Variants in CNTN4 observed in about 807,000 individuals in gnomAD.
CNTN4 encodes contactin-4.
In CNTN4, 77 loss-of-function variants were observed where a neutral mutation model predicts 122.5. The ratio of observed to expected loss-of-function variants is 0.63; its 90% confidence interval spans 0.52 to 0.76. The LOEUF (loss-of-function observed/expected upper bound fraction) is 0.76. Among genes scored for constraint, CNTN4 ranks in the 30% least tolerant of loss-of-function variants. The pLI, the probability that CNTN4 is intolerant of heterozygous loss-of-function variation, is 0.00. For missense variants in CNTN4, 1,256 were observed against 1,259.1 expected, an observed-to-expected ratio of 1.00 and a Z score of 0.04; for synonymous variants, 512 against 447.0, an observed-to-expected ratio of 1.15 and a Z score of -1.83.
intron 4 of CNTN4, among the ~76,000 whole-genome samples, chr3:2,718,254 T>C (rs2087623747): frequency 6.6e-6 from 1 of 152,172 alleles, no homozygotes; most frequent in Non-Finnish European, 1.5e-5. Flanking sequence ...TTTTAACCCT[T>C]TAACGTTTGC....
At chr3:2,307,240 C>T (rs528636552) in intron 2 of CNTN4, among the ~76,000 whole-genome samples, 5 of 152,236 alleles carry the variant, frequency 3.3e-5, no homozygotes, top group African/African-American at 4.8e-5. Context: ...TGAAGACCAT[C>T]CTGGCTAACA....
rs148581955 is a variant in CNTN4, at chr3:2,352,331, G to A, written c.-89+13098G>A. 2.0e-3 allele frequency among the ~76,000 whole-genome samples: 300 copies of A among 152,318 alleles called. 3 individuals carry two copies. The highest frequency in any genetic ancestry group is 2.0e-3 in the Non-Finnish European group (139 of 68,028). ...ACTTCAGCCTGCCGCTGCACTGTGG[G>A]AGCCCCTCTCTGGGCTGGCCGAGGC... On this transcript the variant is annotated intron_variant, in intron 3 of 24. Transcript: ENST00000418658.
chr3:2,941,167 T>C (rs532519478), intron 13 of CNTN4, among the ~76,000 whole-genome samples: 1 of 152,294 alleles, frequency 6.6e-6, no homozygotes, highest in Non-Finnish European at 1.5e-5. Flanking sequence ...CCTCCTTCAA[T>C]CATTCCTGCT....
chr3:2,242,195 C>G (rs1288816314), intron 2 of CNTN4, among the ~76,000 whole-genome samples: 1 of 151,970 alleles, frequency 6.6e-6, no homozygotes, highest in Non-Finnish European at 1.5e-5. Context: ...TTTCTTTGAC[C>G]ATTCTTGCTT....
rs530698097 is a variant in CNTN4 at position 2,385,274 on chromosome 3, A to G, written c.-89+46041A>G. Among the ~76,000 whole-genome samples the G allele has an allele frequency of 3.4e-4, 51 of 152,152 alleles. No homozygotes were observed. Among genetic ancestry groups the G allele is most frequent in the Middle Eastern group, 3.4e-3 (1 of 294 alleles). On this transcript the variant is annotated intron_variant, in intron 3 of 24. Coordinates refer to ENST00000418658, the MANE Select transcript of CNTN4 (RefSeq NM_175607.3). The surrounding 1 kb of genome is among the most constrained non-coding windows in gnomAD (Gnocchi z 4.0). Reference sequence around the variant, plus strand: ...TTTTATTTCTACACTTTTTATTTCTACAGTAATATCAAATCACTTAAAACT... The same window carrying G: ...TTTTATTTCTACACTTTTTATTTCTGCAGTAATATCAAATCACTTAAAACT...
chr3:2,961,228 T>C (rs2125000669), intron 13 of CNTN4, among the ~76,000 whole-genome samples: 1 of 34,696 alleles, frequency 2.9e-5, no homozygotes, highest in Non-Finnish European at 5.5e-5. Context: ...AGACTCCATC[T>C]CACAAAAAAA....
intron 4 of CNTN4, among the ~76,000 whole-genome samples, chr3:2,657,932 TCTGACAC>T (rs2083671931): frequency 6.6e-6 from 1 of 151,028 alleles, no homozygotes; most frequent in East Asian, 1.9e-4. Flanking sequence ...TCCGGCTTGT[TCTGACAC>T]CTGAATAGAA....
At chr3:2,340,705 A>AGAGAGAGAGAGAGAGAGAGAGAGAGGGG (rs1210986669) in intron 3 of CNTN4, among the ~76,000 whole-genome samples, 8 of 63,746 alleles carry the variant, frequency 1.3e-4, no homozygotes, top group South Asian at 1.5e-3. Flanking sequence ...ATATATATAT[A>AGAGAGAGAGAGAGAGAGAGAGAGAGGGG]TATATAGAGA....
intron 3 of CNTN4, among the ~76,000 whole-genome samples, chr3:2,532,442 G>C (rs1170944911): frequency 6.6e-6 from 1 of 152,004 alleles, no homozygotes; most frequent in Non-Finnish European, 1.5e-5. Context: ...GTTAAAGGGA[G>C]AATTCTTTCT....
At chr3:2,769,092 G>C (rs2090978110) in intron 6 of CNTN4, among the ~76,000 whole-genome samples, 1 of 152,148 alleles carries the variant, frequency 6.6e-6, no homozygotes, top group Admixed American at 6.5e-5. Flanking sequence ...TATTTTGGGA[G>C]CACACCTTCA....
At chr3:2,303,007 G>T (rs1259621376) in intron 2 of CNTN4, among the ~76,000 whole-genome samples, 2 of 152,132 alleles carry the variant, frequency 1.3e-5, no homozygotes, top group Non-Finnish European at 2.9e-5. Context: ...TATATTTATT[G>T]TGTGAGACAT....
At chr3:2,651,420 T>A (rs2083353030) in intron 4 of CNTN4, among the ~76,000 whole-genome samples, 1 of 152,212 alleles carries the variant, frequency 6.6e-6, no homozygotes, top group Non-Finnish European at 1.5e-5. Context: ...AGTCAGTCAT[T>A]TGGTTCGATC....
chr3:2,745,830 C>A, intron 6 of CNTN4, 133 bp downstream of exon 6: 1 of 794,678 alleles, frequency 1.3e-6, no homozygotes, highest in Non-Finnish European at 2.1e-6. Context: ...CTCTTTTTCA[C>A]ATTTTGGAAA....
intron 12 of CNTN4, among the ~76,000 whole-genome samples, chr3:2,912,909 T>C (rs967427973): frequency 1.3e-5 from 2 of 152,196 alleles, no homozygotes; most frequent in African/African-American, 4.8e-5. Context: ...CCCAGCACTT[T>C]GGGAGGCTGA....
chr3:2,658,165 G>A (rs966791118), intron 4 of CNTN4, among the ~76,000 whole-genome samples: 5 of 151,590 alleles, frequency 3.3e-5, no homozygotes, highest in Non-Finnish European at 7.4e-5. Context: ...TGGACCCACA[G>A]GAAGTTCGCA....
chr3:2,937,458 A>G (rs2094577000), intron 13 of CNTN4, among the ~76,000 whole-genome samples: 1 of 152,194 alleles, frequency 6.6e-6, no homozygotes, highest in South Asian at 2.1e-4. Context: ...AACCAGTAAA[A>G]AAATGAAGTA....
rs55995215 is a variant in CNTN4 at position 2,447,499 on chromosome 3, T to C, written c.-89+108266T>C. The stretch of plus-strand genomic sequence containing the variant: ...CTATGTCTATATTTATAATATATTT[T>C]ATGTGCTTGTTTATTCTCTGTATCC... On this transcript the variant is annotated intron_variant, in intron 3 of 24. Coordinates refer to ENST00000418658, the MANE Select transcript of CNTN4 (RefSeq NM_175607.3). 7.0e-3 allele frequency among the ~76,000 whole-genome samples: 1,072 copies of C among 152,274 alleles called. 10 individuals carry two copies. Among genetic ancestry groups the C allele is most frequent in the African/African-American group, 0.024 (1,005 of 41,562 alleles).
chr3:2,989,119 G>A (rs1325608940), intron 14 of CNTN4: 2 of 152,458 alleles, frequency 1.3e-5, no homozygotes, highest in African/African-American at 4.8e-5. Context: ...CATGGCATGG[G>A]CTGGAAGTGC....
At chr3:2,923,062 GC>G (rs1334075713) in intron 12 of CNTN4, among the ~76,000 whole-genome samples, 1 of 152,166 alleles carries the variant, frequency 6.6e-6, no homozygotes, top group African/African-American at 2.4e-5. Context: ...TGTCTGATAT[GC>G]TATTTCAAAT....
Sources: allele counts gnomAD v4.1 joint callset (sites outside exome capture counted in the v4.1 genomes callset), GRCh38; gene constraint gnomAD v4.1.1; non-coding constraint Gnocchi (gnomAD v3.1); transcripts MANE v1.5; gene names NCBI Gene and HGNC (gene_info 2026-07-23, HGNC 2026-07-21).